Variants in COL23A1 observed in about 807,000 individuals in gnomAD.
COL23A1 encodes the protein collagen alpha-1(XXIII) chain.
A neutral mutation model predicts 99.3 loss-of-function variants in COL23A1; 97 were observed. The observed-to-expected ratio is 0.98, with a 90% CI of 0.83 to 1.16. COL23A1 has a LOEUF of 1.16. COL23A1 is among the 50% of genes most tolerant of loss of function. The pLI is 0.00. For missense variants in COL23A1, 762 were observed against 757.4 expected, an observed-to-expected ratio of 1.01 and a Z score of -0.07; for synonymous variants, 320 against 308.2, an observed-to-expected ratio of 1.04 and a Z score of -0.40.
chr5:178,254,781 A>G (rs1480146171), intron 16 of COL23A1, among the ~76,000 whole-genome samples, 168 bp downstream of exon 16: 1 of 152,186 alleles, frequency 6.6e-6, no homozygotes, highest in Admixed American at 6.5e-5. Context: ...GCGGGTCTCA[A>G]CATAGCCCTG....
At chr5:178,249,037 C>T in intron 19 of COL23A1, 80 bp downstream of exon 19, 2 of 1,453,400 alleles carry the variant, frequency 1.4e-6, no homozygotes, top group Non-Finnish European at 9.6e-7. Flanking sequence ...GCCCTGGCCT[C>T]CCCACAGCAC....
chr5:178,412,851 C>T (rs1164471968), intron 2 of COL23A1, among the ~76,000 whole-genome samples: 1 of 152,148 alleles, frequency 6.6e-6, no homozygotes, highest in Admixed American at 6.5e-5. Context: ...ATATGCTAAG[C>T]AGTTTTCTCA....
intron 2 of COL23A1, among the ~76,000 whole-genome samples, chr5:178,311,130 C>G (rs1758647974): frequency 6.6e-6 from 1 of 152,164 alleles, no homozygotes; most frequent in African/African-American, 2.4e-5. Flanking sequence ...TGGGGAACGA[C>G]AGTATTTCAC....
At chr5:178,262,537 G>C (rs943449254) in intron 9 of COL23A1, among the ~76,000 whole-genome samples, 1 of 152,136 alleles carries the variant, frequency 6.6e-6, no homozygotes, top group African/African-American at 2.4e-5. Context: ...GGGGGACCCT[G>C]GTGGCAGTCT....
intron 2 of COL23A1, among the ~76,000 whole-genome samples, chr5:178,499,204 T>C (rs1758392663): frequency 6.6e-6 from 1 of 151,962 alleles, no homozygotes; most frequent in Non-Finnish European, 1.5e-5. Context: ...CCCACAAAAA[T>C]ATCAACACTC....
At chr5:178,479,295 C>T (rs1470440665) in intron 2 of COL23A1, among the ~76,000 whole-genome samples, 2 of 152,178 alleles carry the variant, frequency 1.3e-5, no homozygotes, top group Non-Finnish European at 2.9e-5. Flanking sequence ...CTATGGAGGT[C>T]GGGAGCCAGG....
chr5:178,296,644 A>G (rs765187638), intron 3 of COL23A1, among the ~76,000 whole-genome samples: 1 of 151,866 alleles, frequency 6.6e-6, no homozygotes, highest in Non-Finnish European at 1.5e-5. Flanking sequence ...GGTGTGTCTG[A>G]ATCACCCGGC....
intron 12 of COL23A1, among the ~76,000 whole-genome samples, chr5:178,257,892 A>G (rs1280317033): frequency 6.6e-6 from 1 of 152,218 alleles, no homozygotes; most frequent in Non-Finnish European, 1.5e-5. Context: ...GAGGAGGCCA[A>G]GGAAAATATT....
At chr5:178,256,497 G>T in intron 14 of COL23A1, 100 bp from the exon 15 acceptor site, 2 of 1,178,568 alleles carry the variant, frequency 1.7e-6, no homozygotes, top group Non-Finnish European at 2.3e-6. Flanking sequence ...AGGGCCCAGG[G>T]CCCGAGTGCT....
At chr5:178,345,674 G>A (rs1163684695) in intron 2 of COL23A1, among the ~76,000 whole-genome samples, 4 of 151,148 alleles carry the variant, frequency 2.6e-5, no homozygotes, top group Non-Finnish European at 4.4e-5. Context: ...CCGCCACCAC[G>A]CCCGGCTAAT....
intron 2 of COL23A1, among the ~76,000 whole-genome samples, chr5:178,391,607 T>C (rs920640019): frequency 2.4e-4 from 36 of 152,160 alleles, no homozygotes; most frequent in Admixed American, 1.8e-3. Flanking sequence ...GGGGGGAAAC[T>C]GGAACCCTCA....
At chr5:178,452,394 G>A (rs1403471464) in intron 2 of COL23A1, among the ~76,000 whole-genome samples, 3 of 152,118 alleles carry the variant, frequency 2.0e-5, no homozygotes, top group Admixed American at 1.3e-4. Context: ...ACCATAAACT[G>A]GTCTAAGAGA....
chr5:178,409,038 A>G (rs1007062491), intron 2 of COL23A1, among the ~76,000 whole-genome samples: 6 of 148,980 alleles, frequency 4.0e-5, no homozygotes, highest in East Asian at 4.0e-4. Context: ...TGGCTGAACA[A>G]TTGCACTCCT....
chr5:178,274,106 G>A (rs905785617), intron 5 of COL23A1, among the ~76,000 whole-genome samples: 3 of 152,256 alleles, frequency 2.0e-5, no homozygotes, highest in Non-Finnish European at 1.5e-5. Flanking sequence ...TACACTCTGC[G>A]GAACAGGTTT....
intron 1 of COL23A1, among the ~76,000 whole-genome samples, chr5:178,588,737 T>C (rs1764122534): frequency 6.6e-6 from 1 of 152,098 alleles, no homozygotes; most frequent in Non-Finnish European, 1.5e-5. Context: ...GGTACGCAAG[T>C]CATCTTCTCC....
chr5:178,497,262 C>T (rs1042136749), intron 2 of COL23A1, among the ~76,000 whole-genome samples: 7 of 152,200 alleles, frequency 4.6e-5, no homozygotes, highest in East Asian at 1.9e-4. Flanking sequence ...ACAGAGGCAT[C>T]GCTATCAGGA....
At chr5:178,262,959 G>A (rs1266149860) in intron 9 of COL23A1, among the ~76,000 whole-genome samples, 1 of 152,058 alleles carries the variant, frequency 6.6e-6, no homozygotes, top group Non-Finnish European at 1.5e-5. Flanking sequence ...TTAGATTTAA[G>A]GTTCGAATGG....
At chr5:178,466,184 A>G (rs1201616141) in intron 2 of COL23A1, among the ~76,000 whole-genome samples, 1 of 152,056 alleles carries the variant, frequency 6.6e-6, no homozygotes, top group Non-Finnish European at 1.5e-5. Flanking sequence ...ATGCCTCTCC[A>G]GCCTCCTCCC....
intron 2 of COL23A1, among the ~76,000 whole-genome samples, chr5:178,328,458 T>C (rs1157746469): frequency 6.6e-6 from 1 of 152,174 alleles, no homozygotes; most frequent in Non-Finnish European, 1.5e-5. Context: ...CAGGTACAAA[T>C]CCTGACTCTT....
Sources: allele counts gnomAD v4.1 joint callset (sites outside exome capture counted in the v4.1 genomes callset), GRCh38; gene constraint gnomAD v4.1.1; transcripts MANE v1.5; gene names NCBI Gene and HGNC (gene_info 2026-07-23, HGNC 2026-07-21).